Variants in JPH3 observed in about 807,000 individuals in gnomAD.
The protein encoded by JPH3 is junctophilin-3.
JPH3 carries 11 observed loss-of-function variants against 59.6 expected under a neutral mutation model. The ratio of observed to expected loss-of-function variants is 0.18; its 90% CI spans 0.12 to 0.31. The LOEUF (loss-of-function observed/expected upper bound fraction) is 0.31, where lower values mean the gene tolerates loss of function less well. JPH3 is among the 10% of genes least tolerant of loss of function. The probability of loss-of-function intolerance (pLI) is 1.00; values close to 1 mark genes in which losing one functional copy is unlikely to be tolerated. For synonymous variants in JPH3, 673 were observed against 483.6 expected (o/e 1.39, Z -5.14); for missense variants, 1,202 against 1,105.7 (o/e 1.09, Z -1.24).
chr16:87,647,541 C>T (rs963400078), intron 2 of JPH3, among the ~76,000 whole-genome samples: 4 of 152,186 alleles, frequency 2.6e-5, no homozygotes, highest in Admixed American at 6.5e-5. Flanking sequence ...TCTGCACTGG[C>T]GGAGTCCGAG....
chr16:87,671,444 C>T (rs904271265), intron 2 of JPH3, among the ~76,000 whole-genome samples: 10 of 152,226 alleles, frequency 6.6e-5, no homozygotes, highest in African/African-American at 2.4e-4. Context: ...CAGGGCCACT[C>T]ACCAGCGCCA....
Position 87,644,950 on chromosome 16 carries a change from A to G in JPH3, c.1075A>G (p.Ile359Val). ...KNLIPLRASK[I>V]REKVDRAVEA... The stretch of plus-strand genomic sequence containing the variant: ...CCTCATCCCCCTGCGGGCCAGCAAG[A>G]TCCGCGAGAAGGTGGACCGCGCCGT... Residue 359 changes from isoleucine to valine, a missense_variant, in exon 2 of 5, where the codon ATC becomes GTC. Transcript: ENST00000284262. The G allele has an allele frequency of 1.2e-6, 2 of 1,611,898 alleles. No individual in the cohort carries two copies. Among genetic ancestry groups the G allele is most frequent in the African/African-American group, 1.3e-5 (1 of 75,034 alleles).
At chr16:87,684,308 G>T in intron 3 of JPH3, 42 bp downstream of exon 3, 1 of 1,607,682 alleles carries the variant, frequency 6.2e-7, no homozygotes, top group Non-Finnish European at 8.5e-7. Flanking sequence ...TGGGGAGGGG[G>T]TGCGTGGATG....
In JPH3 at chr16:87,690,263, G is replaced by A. The variant is rs201193066; in HGVS notation, c.1903G>A (p.Ala635Thr). Reference sequence around the variant, plus strand: ...GAAAAGACGCTACAGCAAGGGCGGCGCCTGCCGGGGCTTGGGGGACGACCA... The same window carrying A: ...GAAAAGACGCTACAGCAAGGGCGGCACCTGCCGGGGCTTGGGGGACGACCA... The part of the protein sequence containing the change: ...PQKRRYSKGG[A>T]CRGLGDDHRP... Residue 635 changes from alanine to threonine, a missense_variant, in exon 4 of 5, where the codon GCC becomes ACC. By Grantham distance (58) the Ala-to-Thr change is moderately conservative. Transcript: ENST00000284262. 3.3e-4 allele frequency: 533 copies of A among 1,602,394 alleles called. No homozygotes were observed. Among genetic ancestry groups the A allele is most frequent in the Middle Eastern group, 1.5e-3 (9 of 6,048 alleles).
chr16:87,630,734 C>A (rs1001268558), intron 1 of JPH3, among the ~76,000 whole-genome samples: 1 of 152,106 alleles, frequency 6.6e-6, no homozygotes, highest in African/African-American at 2.4e-5. Flanking sequence ...AGACTGACCA[C>A]CATGTTTTTA....
chr16:87,632,438 C>G (rs2031593607), intron 1 of JPH3, among the ~76,000 whole-genome samples: 1 of 152,104 alleles, frequency 6.6e-6, no homozygotes, highest in African/African-American at 2.4e-5. Context: ...GCTTTTTATC[C>G]TTTTTCTTGG....
chr16:87,690,018 T>C lies in JPH3; in HGVS notation c.1658T>C (p.Val553Ala), dbSNP rs1238109809. 1 of 1,529,836 alleles carries C rather than the reference T, an allele frequency of 6.5e-7. No individual in the cohort carries two copies. Among genetic ancestry groups the C allele is most frequent in the Non-Finnish European group, 8.8e-7 (1 of 1,137,274 alleles). The allele number at this position is 1,529,836 out of a possible 1,614,324, so 94.8% of individuals were successfully genotyped here. Reference protein sequence around the residue: ...RSGALRGGLLVDDFRTRGSGR... With the variant: ...RSGALRGGLLADDFRTRGSGR... The stretch of plus-strand genomic sequence containing the variant: ...GGTGCCCTGCGCGGCGGCCTGCTCG[T>C]GGATGACTTCCGCACCCGAGGTTCG... Residue 553 changes from valine to alanine, a missense_variant, in exon 4 of 5, where the codon GTG (valine) becomes GCG (alanine). Coordinates refer to ENST00000284262, the MANE Select transcript of JPH3 (RefSeq NM_020655.4).
At chr16:87,636,107 A>G (rs897214525) in intron 1 of JPH3, among the ~76,000 whole-genome samples, 1 of 152,134 alleles carries the variant, frequency 6.6e-6, no homozygotes, top group African/African-American at 2.4e-5. Flanking sequence ...GTCTTCATGC[A>G]CACAAGCCGC....
rs953296258 is a variant in JPH3 at position 87,629,197 on chromosome 16, A to T, written c.383-15061A>T. The stretch of plus-strand genomic sequence containing the variant: ...CTGTCTCGGTATTTCACAAGTGCTC[A>T]GCAAATGCCAGCAGACCGTGTCCTT... On this transcript the variant is annotated intron_variant, in intron 1 of 4. Transcript: ENST00000284262. 1.0e-3 allele frequency among the ~76,000 whole-genome samples: 156 copies of T among 152,264 alleles called. 1 individual carries two copies. Among genetic ancestry groups the T allele is most frequent in the African/African-American group, 3.7e-3 (154 of 41,542 alleles).
At chr16:87,603,979 G>A (rs2030377694) in intron 1 of JPH3, 1 of 662,438 alleles carries the variant, frequency 1.5e-6, no homozygotes, top group African/African-American at 2.0e-5. Flanking sequence ...GGCGCCCGAG[G>A]GCCTTCCTCA....
chr16:87,664,200 A>G (rs752777738), intron 2 of JPH3, among the ~76,000 whole-genome samples: 20 of 152,042 alleles, frequency 1.3e-4, no homozygotes, highest in African/African-American at 4.3e-4. Context: ...GCGTGGTGGA[A>G]GGCGCCTGTA....
At chr16:87,689,278 G>A (rs892130950) in intron 3 of JPH3, among the ~76,000 whole-genome samples, 3 of 152,156 alleles carry the variant, frequency 2.0e-5, no homozygotes, top group Non-Finnish European at 4.4e-5. Context: ...TAGGGTGAGG[G>A]GCTTCCTCTT....
chr16:87,661,142 T>C (rs1337923814), intron 2 of JPH3, among the ~76,000 whole-genome samples: 1 of 152,196 alleles, frequency 6.6e-6, no homozygotes. Context: ...CTGCGTTCCT[T>C]GGCTCGAGGT....
At chr16:87,677,246 TGTG>T (rs1278335584) in intron 2 of JPH3, among the ~76,000 whole-genome samples, 1 of 100,824 alleles carries the variant, frequency 9.9e-6, no homozygotes, top group Non-Finnish European at 2.1e-5. Flanking sequence ...ATTAGCCGGG[TGTG>T]GTGGGCGCCT....
At chr16:87,636,145 G>T (rs979054424) in intron 1 of JPH3, among the ~76,000 whole-genome samples, 1 of 152,196 alleles carries the variant, frequency 6.6e-6, no homozygotes, top group Non-Finnish European at 1.5e-5. Flanking sequence ...AGTTAGGTTC[G>T]ATGGGACAGG....
chr16:87,654,927 G>A (rs966128509), intron 2 of JPH3: 4 of 152,278 alleles, frequency 2.6e-5, no homozygotes, highest in African/African-American at 7.2e-5. Context: ...AAGAACGTGT[G>A]ATAAATCCCT....
rs1475476813 is a variant in JPH3, at chr16:87,697,411, G to A, written c.*751G>A. On this transcript the variant is annotated 3_prime_UTR_variant, in exon 5 of 5. Coordinates refer to ENST00000284262, the MANE Select transcript of JPH3 (RefSeq NM_020655.4). ...GCTGTTTCCCCCACCAGACCCCAGG[G>A]AAGCCGGGGCCCACTCCGATCCGCC... The A allele has an allele frequency of 6.6e-6, 1 of 152,382 alleles. No homozygotes were observed. Among genetic ancestry groups the A allele is most frequent in the East Asian group, 1.9e-4 (1 of 5,202 alleles). The allele number at this position is 152,382 out of a possible 1,614,324, so 9.4% of individuals were successfully genotyped here. A position where few individuals can be genotyped will look rare whatever the true frequency, so the allele number is the denominator to read the frequency against.
At chr16:87,640,300 G>T (rs1322635393) in intron 1 of JPH3, among the ~76,000 whole-genome samples, 1 of 150,120 alleles carries the variant, frequency 6.7e-6, no homozygotes, top group Non-Finnish European at 1.5e-5. Flanking sequence ...CTGCACTCTA[G>T]CCTGGCGACA....
intron 2 of JPH3, among the ~76,000 whole-genome samples, chr16:87,671,772 T>C (rs2033022036): frequency 6.6e-6 from 1 of 152,162 alleles, no homozygotes; most frequent in African/African-American, 2.4e-5. Context: ...CCCTGAGGCA[T>C]GGAGACTGGG....
Sources: allele counts gnomAD v4.1 joint callset (sites outside exome capture counted in the v4.1 genomes callset), GRCh38; gene constraint gnomAD v4.1.1; transcripts MANE v1.5; gene names NCBI Gene and HGNC (gene_info 2026-07-23, HGNC 2026-07-21).